Variants in ADAMTS15 observed in about 807,000 individuals in gnomAD.
ADAMTS15 encodes the protein A disintegrin and metalloproteinase with thrombospondin motifs 15.
ADAMTS15 carries 35 observed loss-of-function variants against 79.1 expected under a neutral mutation model. The ratio of observed to expected loss-of-function variants is 0.44; its 90% CI spans 0.34 to 0.59. The LOEUF (loss-of-function observed/expected upper bound fraction) is 0.59. Ranked by LOEUF, ADAMTS15 falls within the 20% of genes least tolerant of loss-of-function variation. The probability of loss-of-function intolerance (pLI) is 0.02; values close to 1 mark genes in which losing one functional copy is unlikely to be tolerated. For synonymous variants in ADAMTS15, 616 were observed against 567.3 expected, an observed-to-expected ratio of 1.09 and a Z score of -1.22; for missense variants, 1,324 against 1,318.7, an observed-to-expected ratio of 1.00 and a Z score of -0.06.
chr11:130,461,475 C>T lies in ADAMTS15; in HGVS notation c.958-14C>T, dbSNP rs781274125. The T allele has an allele frequency of 1.2e-6, 2 of 1,613,822 alleles. No homozygotes were observed. The highest frequency in any genetic ancestry group is 2.7e-5 in the African/African-American group (2 of 74,908). ...TAACTTCGGGCTGGCTTCTGCTTCT[C>T]CCCCACCCGGCAGGACCTGTGTGGA... On this transcript the variant is annotated splice_polypyrimidine_tract_variant and intron_variant, in intron 1 of 7. Transcript: ENST00000299164.
chr11:130,450,775 A>G (rs1937947562), intron 1 of ADAMTS15, among the ~76,000 whole-genome samples: 1 of 152,186 alleles, frequency 6.6e-6, no homozygotes, highest in African/African-American at 2.4e-5. Flanking sequence ...CAGAGCGGGC[A>G]TGCTTGCTCC....
chr11:130,471,339 C>A lies in ADAMTS15; in HGVS notation c.2034C>A (p.Asp678Glu), dbSNP rs1462628089. ...RFDKCGVCGG[D>E]NKSCKKVTGL... ...ACAAGTGTGGGGTGTGTGGGGGAGA[C>A]AATAAGAGCTGCAAGAAGGTGACTG... The change falls in exon 7 of 8, where the codon GAC becomes GAA. Residue 678 changes from aspartate (D) to glutamate (E), a missense_variant. Coordinates refer to ENST00000299164, the MANE Select transcript of ADAMTS15 (RefSeq NM_139055.4). 2 of 1,611,484 alleles carry A rather than the reference C, an allele frequency of 1.2e-6. No individual in the cohort carries two copies. The highest frequency in any genetic ancestry group is 2.2e-5 in the South Asian group (2 of 90,628).
At chr11:130,452,201 G>A (rs934795523) in intron 1 of ADAMTS15, among the ~76,000 whole-genome samples, 3 of 152,140 alleles carry the variant, frequency 2.0e-5, no homozygotes, top group South Asian at 2.1e-4. Flanking sequence ...AGGCAGATGC[G>A]GTCTCCGGGA....
At chr11:130,450,604 G>A (rs544790504) in intron 1 of ADAMTS15, among the ~76,000 whole-genome samples, 2 of 152,318 alleles carry the variant, frequency 1.3e-5, no homozygotes, top group South Asian at 4.1e-4. Flanking sequence ...AGACCATTCT[G>A]AGCAGGCGGT....
At chr11:130,459,892 G>A (rs1302491408) in intron 1 of ADAMTS15, among the ~76,000 whole-genome samples, 1 of 152,174 alleles carries the variant, frequency 6.6e-6, no homozygotes, top group Non-Finnish European at 1.5e-5. Context: ...GCCCACCTTC[G>A]CCCCTTGCCA....
In ADAMTS15 at chr11:130,462,049, T is replaced by C; in HGVS notation, c.1091-38T>C. The C allele has an allele frequency of 6.5e-7, 1 of 1,533,448 alleles. No homozygotes were observed. 95.0% of individuals were successfully genotyped at this position (1,533,448 alleles called of 1,614,324 possible). On this transcript the variant is annotated intron_variant, in intron 2 of 7. Coordinates refer to ENST00000299164, the MANE Select transcript of ADAMTS15 (RefSeq NM_139055.4). This position sits in a 1 kb window ranked among gnomAD's most constrained non-coding sequence, Gnocchi z 4.3. The stretch of plus-strand genomic sequence containing the variant: ...TTCCTCCCTCCAACCCCCATGTCCT[T>C]CCTCCTGCCCTCTCAGTCCTCTTGC...
rs1229821922 is a variant in ADAMTS15, at chr11:130,472,297, G to A, written c.2079-750G>A. On this transcript the variant is annotated intron_variant, in intron 7 of 7. Coordinates refer to ENST00000299164, the MANE Select transcript of ADAMTS15 (RefSeq NM_139055.4). This position sits in a 1 kb window ranked among gnomAD's most constrained non-coding sequence, Gnocchi z 4.7. ...GAGCCCCTGGGTGGTGATGCGAAGGGAGGATGCCCAGCCCTGTCTCTGGGA... is the reference window on the plus strand; with the variant it reads ...GAGCCCCTGGGTGGTGATGCGAAGGAAGGATGCCCAGCCCTGTCTCTGGGA... Among the ~76,000 whole-genome samples, 3 of 152,294 alleles carry A rather than the reference G, an allele frequency of 2.0e-5. No individual in the cohort carries two copies. The South Asian group carries it at 6.2e-4, about 32-fold the overall frequency.
In ADAMTS15 at chr11:130,471,109, A is replaced by G; in HGVS notation, c.1902+8A>G. 6.2e-7 allele frequency: 1 copy of G among 1,610,378 alleles called. No individual in the cohort carries two copies. Among genetic ancestry groups the G allele is most frequent in the East Asian group, 2.2e-5 (1 of 44,846 alleles). On this transcript the variant is annotated splice_region_variant and intron_variant, in intron 6 of 7. Coordinates refer to ENST00000299164, the MANE Select transcript of ADAMTS15 (RefSeq NM_139055.4). ...TATGTGCTGGCACCCAAGGTGAGTG[A>G]GCCTGGGGCCTGAGAACAAAGTAGG...
In ADAMTS15 at chr11:130,462,313, C is replaced by A; in HGVS notation, c.1258+59C>A. 3 of 1,547,278 alleles carry A rather than the reference C, an allele frequency of 1.9e-6. No individual in the cohort carries two copies. In the East Asian group the frequency reaches 7.0e-5, roughly 36 times the overall value. On this transcript the variant is annotated intron_variant, in intron 3 of 7. Coordinates refer to ENST00000299164, the MANE Select transcript of ADAMTS15 (RefSeq NM_139055.4). This position sits in a 1 kb window ranked among gnomAD's most constrained non-coding sequence, Gnocchi z 4.3. ...CCTCGGAGGGGGCTTTGCTGCTGCC[C>A]CTGGTGGAGGTGCTCACTTCTCCGT...
At chr11:130,470,166 A>ATGTG (rs1938408353) in intron 5 of ADAMTS15, among the ~76,000 whole-genome samples, 1 of 57,584 alleles carries the variant, frequency 1.7e-5, no homozygotes, top group South Asian at 4.8e-4. Flanking sequence ...ATATATATAT[A>ATGTG]TATATATATA....
Position 130,470,207 on chromosome 11 carries a change from T to C in ADAMTS15, c.1721-713T>C, listed in dbSNP as rs4937522. 6.7e-3 allele frequency among the ~76,000 whole-genome samples: 400 copies of C among 59,954 alleles called. 12 individuals are homozygous for C. Among genetic ancestry groups the C allele is most frequent in the Middle Eastern group, 0.025 (3 of 118 alleles). The allele number at this position is 59,954 out of a possible 152,430, so 39.3% of individuals were successfully genotyped here. A position where few individuals can be genotyped will look rare whatever the true frequency, so the allele number is the denominator to read the frequency against. ...GTGTGTATATATATATATATATATA[T>C]ATGTATATATATATATATTTTCTGA... is the stretch of plus-strand genomic sequence containing the variant. On this transcript the variant is annotated intron_variant, in intron 5 of 7. Transcript: ENST00000299164.
At chr11:130,450,174 C>G (rs1937934134) in intron 1 of ADAMTS15, 1 of 985,358 alleles carries the variant, frequency 1.0e-6, no homozygotes, top group Non-Finnish European at 1.2e-6. Context: ...TGGCCTGGCG[C>G]GGCCAATCAG....
In ADAMTS15 at chr11:130,469,574, T is replaced by C. The variant is rs1938379645; in HGVS notation, c.1720+135T>C. 9.0e-6 allele frequency: 6 copies of C among 667,946 alleles called. No homozygotes were observed. The South Asian group carries it at 2.3e-4, about 26-fold the overall frequency. 41.4% of individuals were successfully genotyped at this position (667,946 alleles called of 1,614,324 possible). On this transcript the variant is annotated intron_variant, in intron 5 of 7. Coordinates refer to ENST00000299164, the MANE Select transcript of ADAMTS15 (RefSeq NM_139055.4). ...CAGGTAATTCAGGTAGTCTAGTATT[T>C]CTATCATGGATTCCTGCTGATGACA...
chr11:130,473,714 C>G lies in ADAMTS15; in HGVS notation c.2746C>G (p.Arg916Gly), dbSNP rs774784317. Residue 916 changes from arginine to glycine, a missense_variant, in exon 8 of 8, where the codon CGC becomes GGC. Coordinates refer to ENST00000299164, the MANE Select transcript of ADAMTS15 (RefSeq NM_139055.4). ...SKSCGRGFQR[R>G]SLKCVGHGGR... ...GAGCTGCGGCCGGGGATTTCAGAGG[C>G]GCTCACTCAAGTGTGTGGGCCACGG... is the stretch of plus-strand genomic sequence containing the variant. The G allele has an allele frequency of 6.2e-7, 1 of 1,600,440 alleles. No individual in the cohort carries two copies. Among genetic ancestry groups the G allele is most frequent in the Admixed American group, 1.7e-5 (1 of 60,016 alleles).
chr11:130,470,212 A>ATACATG lies in ADAMTS15; in HGVS notation c.1721-706_1721-705insCATGTA, dbSNP rs1555081094. ...TATATATATATATATATATATATGT[A>ATACATG]TATATATATATATTTTCTGAGGTAG... is the stretch of plus-strand genomic sequence containing the variant. On this transcript the variant is annotated intron_variant, in intron 5 of 7. Transcript: ENST00000299164. 2.5e-3 allele frequency among the ~76,000 whole-genome samples: 132 copies of ATACATG among 52,244 alleles called. 8 individuals are homozygous for ATACATG. The highest frequency in any genetic ancestry group is 0.013 in the African/African-American group (114 of 8,826). 34.3% of individuals were successfully genotyped at this position (52,244 alleles called of 152,430 possible). A position where few individuals can be genotyped will look rare whatever the true frequency, so the allele number is the denominator to read the frequency against.
At chr11:130,459,393 T>C (rs1340641687) in intron 1 of ADAMTS15, among the ~76,000 whole-genome samples, 1 of 152,154 alleles carries the variant, frequency 6.6e-6, no homozygotes, top group Non-Finnish European at 1.5e-5. Flanking sequence ...CTTGAACTCC[T>C]AGACTTAAGC....
intron 1 of ADAMTS15, among the ~76,000 whole-genome samples, chr11:130,452,200 C>A (rs558618410): frequency 5.9e-5 from 9 of 152,090 alleles, no homozygotes; most frequent in Admixed American, 5.2e-4. Context: ...AAGGCAGATG[C>A]GGTCTCCGGG....
At chr11:130,469,075 A>G (rs1047674583) in intron 4 of ADAMTS15, among the ~76,000 whole-genome samples, 187 bp from the exon 5 acceptor site, 9 of 151,542 alleles carry the variant, frequency 5.9e-5, no homozygotes, top group Admixed American at 4.6e-4. Context: ...AGTTGGTTGG[A>G]ATGTCGGGTG....
chr11:130,451,328 T>G (rs1937956588), intron 1 of ADAMTS15, among the ~76,000 whole-genome samples: 2 of 152,184 alleles, frequency 1.3e-5, no homozygotes, highest in Non-Finnish European at 2.9e-5. Context: ...AGTAACCCAT[T>G]TGGCACAGCT....
Sources: allele counts gnomAD v4.1 joint callset (sites outside exome capture counted in the v4.1 genomes callset), GRCh38; gene constraint gnomAD v4.1.1; non-coding constraint Gnocchi (gnomAD v3.1); transcripts MANE v1.5; gene names NCBI Gene and HGNC (gene_info 2026-07-23, HGNC 2026-07-21).